The following VRK2 variants were observed in gnomAD, a reference collection of about 807,000 sequenced individuals.
VRK2 encodes the protein serine/threonine-protein kinase VRK2.
In VRK2, 60 loss-of-function variants were observed where a neutral mutation model predicts 57.6. That is an observed-to-expected ratio of 1.04 (90% CI 0.85 to 1.29). The LOEUF (loss-of-function observed/expected upper bound fraction) is 1.29, where lower values mean the gene tolerates loss of function less well. Ranked by LOEUF, VRK2 falls within the 50% of genes most tolerant of loss-of-function variation. VRK2 has a pLI of 0.00. For synonymous variants in VRK2, 231 were observed against 199.2 expected (o/e 1.16, Z -1.35); for missense variants, 705 against 588.1 (o/e 1.20, Z -2.06).
At chr2:58,060,569 A>G (rs901650226) in intron 2 of VRK2, among the ~76,000 whole-genome samples, 1 of 151,854 alleles carries the variant, frequency 6.6e-6, no homozygotes, top group African/African-American at 2.4e-5. Flanking sequence ...AAGAAAAAAT[A>G]ATGGTTCTAT....
At chr2:58,031,585 C>T (rs1228684140) in intron 2 of VRK2, among the ~76,000 whole-genome samples, 2 of 152,062 alleles carry the variant, frequency 1.3e-5, no homozygotes, top group African/African-American at 4.8e-5. Flanking sequence ...ATCATTACCA[C>T]CACCAGTGTC....
chr2:57,938,170 T>C (rs1459429536), intron 1 of VRK2, among the ~76,000 whole-genome samples: 1 of 152,212 alleles, frequency 6.6e-6, no homozygotes, highest in Non-Finnish European at 1.5e-5. Context: ...ACTTACCAAG[T>C]CAACTACACT....
At chr2:58,102,445 G>A (rs1674113124) in intron 7 of VRK2, among the ~76,000 whole-genome samples, 1 of 148,758 alleles carries the variant, frequency 6.7e-6, no homozygotes, top group Middle Eastern at 3.4e-3. Context: ...GCAAGCAGGA[G>A]TAGCCATGCT....
chr2:57,967,441 T>TGTTTTAA (rs1371608227), intron 1 of VRK2, among the ~76,000 whole-genome samples: 1 of 152,042 alleles, frequency 6.6e-6, no homozygotes, highest in Non-Finnish European at 1.5e-5. Flanking sequence ...ATCAGAAGGT[T>TGTTTTAA]AAGCCAACAA....
chr2:58,074,349 T>C (rs1416534385), intron 2 of VRK2, among the ~76,000 whole-genome samples: 1 of 152,128 alleles, frequency 6.6e-6, no homozygotes, highest in Non-Finnish European at 1.5e-5. Flanking sequence ...CTATTTGTTA[T>C]GCTTGTTCTT....
intron 1 of VRK2, among the ~76,000 whole-genome samples, chr2:57,910,028 C>G (rs2103880052): frequency 6.6e-6 from 1 of 151,842 alleles, no homozygotes; most frequent in East Asian, 1.9e-4. Flanking sequence ...ATCTTTTATT[C>G]CAGATTAAAA....
chr2:58,095,440 A>T (rs1006320797), intron 7 of VRK2, among the ~76,000 whole-genome samples: 1 of 152,228 alleles, frequency 6.6e-6, no homozygotes, highest in African/African-American at 2.4e-5. Context: ...TCAATTTTGC[A>T]TTAGGTCATT....
chr2:58,138,009 C>G (rs1281752512), intron 10 of VRK2, among the ~76,000 whole-genome samples: 2 of 152,106 alleles, frequency 1.3e-5, no homozygotes, highest in Non-Finnish European at 2.9e-5. Flanking sequence ...TTTCCAAACC[C>G]CAGTCCCATG....
At chr2:58,044,588 G>A (rs1674600224), upstream of VRK2, among the ~76,000 whole-genome samples, 1 of 152,174 alleles carries the variant, frequency 6.6e-6, no homozygotes, top group South Asian at 2.1e-4. Context: ...GAAAAATACA[G>A]GGAAAGAGGC....
At chr2:57,930,315 C>T (rs1245241507) in intron 1 of VRK2, among the ~76,000 whole-genome samples, 3 of 152,148 alleles carry the variant, frequency 2.0e-5, no homozygotes, top group African/African-American at 7.2e-5. Context: ...TGAGTTCTGC[C>T]CCATGTTGCT....
At chr2:58,117,489 A>G (rs1207004602) in intron 7 of VRK2, among the ~76,000 whole-genome samples, 1 of 152,082 alleles carries the variant, frequency 6.6e-6, no homozygotes, top group African/African-American at 2.4e-5. Flanking sequence ...TCTATAGAAA[A>G]GGAAGATTAG....
At chr2:58,127,829 G>C (rs1321176102) in intron 8 of VRK2, among the ~76,000 whole-genome samples, 1 of 152,092 alleles carries the variant, frequency 6.6e-6, no homozygotes, top group East Asian at 1.9e-4. Context: ...ACTCCATAAT[G>C]TTACTCGGTA....
intron 11 of VRK2, among the ~76,000 whole-genome samples, chr2:58,140,522 C>T (rs1480122681): frequency 1.3e-5 from 2 of 151,978 alleles, no homozygotes; most frequent in East Asian, 1.9e-4. Flanking sequence ...GTGTGGAGGG[C>T]ATTTTTTTCC....
At chr2:58,102,492 TAAA>T (rs570889511) in intron 7 of VRK2, among the ~76,000 whole-genome samples, 1 of 105,360 alleles carries the variant, frequency 9.5e-6, no homozygotes, top group Non-Finnish European at 2.1e-5. Flanking sequence ...CAAAAACAGT[TAAA>T]AAAAAAAAAA....
At chr2:58,127,340 G>C (rs1678514780) in intron 8 of VRK2, among the ~76,000 whole-genome samples, 1 of 152,028 alleles carries the variant, frequency 6.6e-6, no homozygotes, top group Non-Finnish European at 1.5e-5. Flanking sequence ...CCTTTTGATT[G>C]GGTTAAGAAT....
Position 58,057,063 on chromosome 2 carries a change from T to C in VRK2, c.136+8096T>C, listed in dbSNP as rs537954876. On this transcript the variant is annotated intron_variant, in intron 2 of 12. Coordinates refer to ENST00000340157, the MANE Select transcript of VRK2 (RefSeq NM_006296.7). ...GGTCACTATTTTGTATGCTGTCTTT[T>C]TAACCTGTTTCCCCCAACATGTGTG... is the stretch of plus-strand genomic sequence containing the variant. 3.9e-5 allele frequency among the ~76,000 whole-genome samples: 6 copies of C among 152,294 alleles called. No individual in the cohort carries two copies. In the South Asian group the frequency reaches 1.0e-3, roughly 26 times the overall value.
At chr2:58,046,467 T>C (rs561750415), upstream of VRK2, 6 of 983,300 alleles carry the variant, frequency 6.1e-6, no homozygotes, top group East Asian at 2.3e-4. Flanking sequence ...AGTACTCAGG[T>C]TGTGGTACAG....
chr2:58,028,136 A>G (rs559379387), intron 2 of VRK2, among the ~76,000 whole-genome samples: 1 of 152,294 alleles, frequency 6.6e-6, no homozygotes, highest in East Asian at 1.9e-4. Flanking sequence ...CTCGCCAGCT[A>G]TTTTTAGGAT....
chr2:58,063,429 G>A (rs996648979), intron 2 of VRK2, among the ~76,000 whole-genome samples: 1 of 151,668 alleles, frequency 6.6e-6, no homozygotes, highest in African/African-American at 2.4e-5. Context: ...TTGGGTAATG[G>A]GCACCCTGAA....
Sources: allele counts gnomAD v4.1 joint callset (sites outside exome capture counted in the v4.1 genomes callset), GRCh38; gene constraint gnomAD v4.1.1; transcripts MANE v1.5; gene names NCBI Gene and HGNC (gene_info 2026-07-23, HGNC 2026-07-21).